DTNA: variants seen among roughly 807,000 people sequenced by gnomAD.
DTNA encodes the protein dystrophin-related protein 3.
In DTNA, 43 loss-of-function variants were observed where a neutral mutation model predicts 100.7. That is an observed-to-expected ratio of 0.43 (90% CI 0.33 to 0.55). The LOEUF (loss-of-function observed/expected upper bound fraction) is 0.55. Ranked by LOEUF, DTNA falls within the 20% of genes least tolerant of loss-of-function variation. DTNA has a pLI of 0.04. For missense variants in DTNA, 798 were observed against 953.9 expected, an observed-to-expected ratio of 0.84 and a Z score of 2.15; for synonymous variants, 349 against 347.9, an observed-to-expected ratio of 1.00 and a Z score of -0.04.
intron 7 of DTNA, chr18:34,817,890 G>T: frequency 1.7e-6 from 2 of 1,197,416 alleles, no homozygotes; most frequent in Non-Finnish European, 2.2e-6. Context: ...TAATGTGAGA[G>T]ATGGGAATAG....
At chr18:34,563,282 G>C (rs1449011832) in intron 1 of DTNA, among the ~76,000 whole-genome samples, 1 of 152,184 alleles carries the variant, frequency 6.6e-6, no homozygotes, top group African/African-American at 2.4e-5. Context: ...GAGTTAGGCT[G>C]CCACAAGCCA....
intron 1 of DTNA, among the ~76,000 whole-genome samples, chr18:34,643,421 C>G (rs2059510177): frequency 6.6e-6 from 1 of 152,232 alleles, no homozygotes; most frequent in Non-Finnish European, 1.5e-5. Flanking sequence ...TGGCAGCAGC[C>G]TATCCCCAGT....
At chr18:34,524,429 A>G (rs1331698976) in intron 1 of DTNA, among the ~76,000 whole-genome samples, 2 of 152,178 alleles carry the variant, frequency 1.3e-5, no homozygotes, top group Admixed American at 1.3e-4. Flanking sequence ...CATAAGGCTG[A>G]TAATGAAATT....
chr18:34,761,545 A>C (rs186581290), intron 2 of DTNA, among the ~76,000 whole-genome samples: 1 of 152,254 alleles, frequency 6.6e-6, no homozygotes, highest in East Asian at 1.9e-4. Context: ...AGAAGAGAAG[A>C]AAGAGAATCT....
chr18:34,739,376 C>T (rs1182168711), intron 1 of DTNA, among the ~76,000 whole-genome samples: 1 of 152,168 alleles, frequency 6.6e-6, no homozygotes, highest in Non-Finnish European at 1.5e-5. Flanking sequence ...CAAACAAAGG[C>T]ACATCATACT....
At chr18:34,797,081 G>T (rs538103594) in intron 4 of DTNA, among the ~76,000 whole-genome samples, 10 of 152,172 alleles carry the variant, frequency 6.6e-5, no homozygotes, top group Non-Finnish European at 1.3e-4. Context: ...TAGATGATTT[G>T]TACAATGTTG....
chr18:34,686,017 A>T (rs1023828553), intron 1 of DTNA, among the ~76,000 whole-genome samples: 3 of 152,200 alleles, frequency 2.0e-5, no homozygotes, highest in Non-Finnish European at 4.4e-5. Context: ...GAATTTGCTT[A>T]TCAGCTTAAT....
intron 1 of DTNA, among the ~76,000 whole-genome samples, chr18:34,618,314 A>G (rs1233711293): frequency 2.0e-5 from 3 of 152,188 alleles, no homozygotes; most frequent in Non-Finnish European, 2.9e-5. Context: ...CAATATTTGT[A>G]GACAATAGTA....
At chr18:34,744,417 T>C (rs913732248) in intron 1 of DTNA, among the ~76,000 whole-genome samples, 1 of 152,164 alleles carries the variant, frequency 6.6e-6, no homozygotes, top group Non-Finnish European at 1.5e-5. Context: ...TCTATTGGTA[T>C]TTCTTTTCCC....
At chr18:34,630,700 C>T (rs559418118) in intron 1 of DTNA, among the ~76,000 whole-genome samples, 3 of 152,194 alleles carry the variant, frequency 2.0e-5, no homozygotes, top group African/African-American at 7.2e-5. Context: ...GAAGTAGAGG[C>T]TGACTCCAAA....
At chr18:34,727,129 C>A (rs1226164726) in intron 1 of DTNA, among the ~76,000 whole-genome samples, 2 of 152,192 alleles carry the variant, frequency 1.3e-5, no homozygotes, top group Non-Finnish European at 2.9e-5. Flanking sequence ...GGCTGGAGCC[C>A]TAGCAGCTGG....
chr18:34,516,483 A>G (rs552702701), intron 1 of DTNA, among the ~76,000 whole-genome samples: 1 of 152,196 alleles, frequency 6.6e-6, no homozygotes, highest in South Asian at 2.1e-4. Flanking sequence ...AAAATTTACT[A>G]GGCAGGAATT....
intron 1 of DTNA, among the ~76,000 whole-genome samples, chr18:34,526,103 G>A (rs912919832): frequency 6.6e-6 from 1 of 152,122 alleles, no homozygotes; most frequent in Non-Finnish European, 1.5e-5. Flanking sequence ...AAAACAGCAC[G>A]GCTACGTGTG....
chr18:34,762,623 G>A (rs1001677983), intron 2 of DTNA, among the ~76,000 whole-genome samples: 1 of 152,178 alleles, frequency 6.6e-6, no homozygotes, highest in Non-Finnish European at 1.5e-5. Flanking sequence ...AGAGTAAGAG[G>A]CTATGTATCA....
intron 1 of DTNA, among the ~76,000 whole-genome samples, chr18:34,545,258 A>C (rs2044655076): frequency 6.6e-6 from 1 of 152,104 alleles, no homozygotes; most frequent in East Asian, 1.9e-4. Flanking sequence ...GCCAATGGAC[A>C]CTGGATCTGG....
chr18:34,778,657 G>T (rs1371254451), intron 3 of DTNA, among the ~76,000 whole-genome samples: 1 of 152,094 alleles, frequency 6.6e-6, no homozygotes, highest in African/African-American at 2.4e-5. Flanking sequence ...ACTAACCTCT[G>T]GGGTATAGAC....
At chr18:34,579,270 A>G (rs2048393944) in intron 1 of DTNA, among the ~76,000 whole-genome samples, 1 of 152,214 alleles carries the variant, frequency 6.6e-6, no homozygotes, top group African/African-American at 2.4e-5. Flanking sequence ...TTAAACAGTC[A>G]CAAGTTTTTA....
At chr18:34,796,259 T>C (rs1205424279) in intron 4 of DTNA, among the ~76,000 whole-genome samples, 1 of 152,214 alleles carries the variant, frequency 6.6e-6, no homozygotes, top group African/African-American at 2.4e-5. Flanking sequence ...TCTGATGGCA[T>C]GGAATTTTGG....
chr18:34,723,010 C>A (rs1383287), intron 1 of DTNA, among the ~76,000 whole-genome samples: 23,423 of 152,016 alleles, frequency 0.15, 3,138 homozygotes, highest in African/African-American at 0.37. Context: ...GAAAATGTTT[C>A]AACAGATACA....
Sources: allele counts gnomAD v4.1 joint callset (sites outside exome capture counted in the v4.1 genomes callset), GRCh38; gene constraint gnomAD v4.1.1; transcripts MANE v1.5; gene names NCBI Gene and HGNC (gene_info 2026-07-23, HGNC 2026-07-21).